Variants in NBEA observed in about 807,000 individuals in gnomAD.
The protein encoded by NBEA is lysosomal-trafficking regulator 2.
In NBEA, 44 loss-of-function variants were observed where a neutral mutation model predicts 343.4. That is an observed-to-expected ratio of 0.13 (90% CI 0.10 to 0.16). The LOEUF (loss-of-function observed/expected upper bound fraction) is 0.16, where lower values mean the gene tolerates loss of function less well. NBEA is among the 10% of genes least tolerant of loss of function. NBEA has a pLI of 1.00. For synonymous variants in NBEA, 1,175 were observed against 1,238.7 expected, an observed-to-expected ratio of 0.95 and a Z score of 1.08; for missense variants, 2,555 against 3,631.3, an observed-to-expected ratio of 0.70 and a Z score of 7.62.
chr13:35,557,214 A>G (rs1283923657), intron 44 of NBEA, among the ~76,000 whole-genome samples: 3 of 152,090 alleles, frequency 2.0e-5, no homozygotes. Context: ...TCATTGTTTT[A>G]AAGGTCTCTT....
At chr13:35,634,579 A>G (rs1405707424) in intron 49 of NBEA, among the ~76,000 whole-genome samples, 9 of 152,158 alleles carry the variant, frequency 5.9e-5, no homozygotes, top group East Asian at 5.8e-4. Context: ...AATGATTTCA[A>G]TGGCTTCTTT....
At chr13:35,562,172 T>C (rs905056857) in intron 44 of NBEA, among the ~76,000 whole-genome samples, 5 of 152,126 alleles carry the variant, frequency 3.3e-5, no homozygotes, top group African/African-American at 4.8e-5. Context: ...CCTAGAAATA[T>C]GGCAAAATTT....
At chr13:35,487,474 A>T in intron 41 of NBEA, among the ~76,000 whole-genome samples, 1 of 151,898 alleles carries the variant, frequency 6.6e-6, no homozygotes, top group Non-Finnish European at 1.5e-5. Flanking sequence ...CAGGGCAGGA[A>T]AGAACTCTGG....
intron 34 of NBEA, among the ~76,000 whole-genome samples, chr13:35,235,590 A>C (rs2075189922): frequency 6.6e-6 from 1 of 152,178 alleles, no homozygotes; most frequent in Non-Finnish European, 1.5e-5. Flanking sequence ...ATGTTGTTAT[A>C]AGACTCACGT....
At chr13:35,004,227 C>T (rs2061241310) in intron 1 of NBEA, among the ~76,000 whole-genome samples, 1 of 152,100 alleles carries the variant, frequency 6.6e-6, no homozygotes, top group Non-Finnish European at 1.5e-5. Flanking sequence ...GTGAATAGTG[C>T]TGCAGTGCAC....
At chr13:35,513,591 T>G (rs117809141) in intron 41 of NBEA, among the ~76,000 whole-genome samples, 4,436 of 152,176 alleles carry the variant, frequency 0.029, 116 homozygotes, top group Non-Finnish European at 0.046. Context: ...TTTTCACCTT[T>G]TTTTAAATAT....
chr13:35,392,011 A>G (rs982230026), intron 38 of NBEA, among the ~76,000 whole-genome samples: 3 of 152,126 alleles, frequency 2.0e-5, no homozygotes, highest in African/African-American at 7.2e-5. Flanking sequence ...AAACTTATAT[A>G]TAGGGGAGAC....
intron 41 of NBEA, chr13:35,476,347 G>T: frequency 9.0e-7 from 1 of 1,109,458 alleles, no homozygotes; most frequent in South Asian, 1.4e-5. Context: ...TGCTGCTGCT[G>T]CTGCTGCTTT....
intron 46 of NBEA, chr13:35,593,066 C>G (rs1054686123): frequency 1.5e-5 from 5 of 337,348 alleles, no homozygotes; most frequent in Admixed American, 1.4e-4. Context: ...ATCAGAAAAT[C>G]GTAGAGCACT....
chr13:35,335,665 G>A (rs868636253), intron 36 of NBEA, among the ~76,000 whole-genome samples: 2 of 152,044 alleles, frequency 1.3e-5, no homozygotes, highest in South Asian at 4.1e-4. Flanking sequence ...GAAAACATCT[G>A]TGTAGATTAA....
In NBEA at chr13:35,651,145, A is replaced by G. The variant is rs79119143; in HGVS notation, c.7964-660A>G. Among the ~76,000 whole-genome samples the G allele has an allele frequency of 3.7e-3, 566 of 152,366 alleles. 3 individuals carry two copies. Among genetic ancestry groups the G allele is most frequent in the African/African-American group, 0.012 (516 of 41,586 alleles). On this transcript the variant is annotated intron_variant, in intron 52 of 58. Transcript: ENST00000379939. Reference sequence around the variant, plus strand: ...CTAAATTTTTATTTAAAATTGTTTGAAAGTGTTGTATATATTGTATAATCA... The same window carrying G: ...CTAAATTTTTATTTAAAATTGTTTGGAAGTGTTGTATATATTGTATAATCA...
At chr13:35,372,698 C>A (rs1399278833) in intron 38 of NBEA, among the ~76,000 whole-genome samples, 2 of 152,094 alleles carry the variant, frequency 1.3e-5, no homozygotes, top group Admixed American at 6.5e-5. Flanking sequence ...TGGTGTCTAT[C>A]CTTAGCACAC....
intron 17 of NBEA, among the ~76,000 whole-genome samples, chr13:35,132,753 C>T (rs1297363647): frequency 1.3e-5 from 2 of 151,986 alleles, no homozygotes; most frequent in Non-Finnish European, 2.9e-5. Context: ...TGCCAGTGGG[C>T]ACAGGGAACT....
At chr13:35,564,150 T>G (rs2080022615) in intron 44 of NBEA, among the ~76,000 whole-genome samples, 1 of 152,062 alleles carries the variant, frequency 6.6e-6, no homozygotes, top group Non-Finnish European at 1.5e-5. Context: ...ACACAGTACA[T>G]TTAAATACTG....
intron 38 of NBEA, among the ~76,000 whole-genome samples, chr13:35,378,795 T>G (rs1055699159): frequency 3.3e-5 from 5 of 151,916 alleles, no homozygotes; most frequent in Admixed American, 1.3e-4. Context: ...ATATGAGCCC[T>G]TCTTGTATTC....
intron 36 of NBEA, among the ~76,000 whole-genome samples, chr13:35,346,952 A>G (rs974308249): frequency 2.6e-5 from 4 of 152,156 alleles, no homozygotes; most frequent in African/African-American, 9.6e-5. Flanking sequence ...TTTTTATGGA[A>G]GATGCCACAA....
intron 41 of NBEA, among the ~76,000 whole-genome samples, chr13:35,481,456 T>C (rs1464453248): frequency 4.0e-5 from 6 of 151,556 alleles, no homozygotes; most frequent in Non-Finnish European, 8.9e-5. Context: ...ATCTGTAAAC[T>C]GAAAAAAAAA....
At chr13:35,134,520 G>C (rs772185358) in intron 17 of NBEA, among the ~76,000 whole-genome samples, 1 of 151,892 alleles carries the variant, frequency 6.6e-6, no homozygotes, top group Non-Finnish European at 1.5e-5. Context: ...TTAAGAAGCA[G>C]TGTGAAGATA....
At chr13:35,008,765 C>A (rs1244917146) in intron 1 of NBEA, among the ~76,000 whole-genome samples, 3 of 152,228 alleles carry the variant, frequency 2.0e-5, no homozygotes, top group Non-Finnish European at 4.4e-5. Context: ...ACAATATGGT[C>A]TGTTGCTACT....
Sources: gnomAD v4.1 joint callset for allele counts (sites outside exome capture counted in the v4.1 genomes callset) on GRCh38, gnomAD v4.1.1 for gene constraint, MANE v1.5 for transcripts, NCBI Gene and HGNC (gene_info 2026-07-23, HGNC 2026-07-21) for gene names.